The following ACAD9 variants were observed in gnomAD, a reference collection of about 807,000 sequenced individuals.
ACAD9 encodes complex I assembly factor ACAD9, mitochondrial.
ACAD9 carries 53 observed loss-of-function variants against 70.2 expected under a neutral mutation model. The ratio of observed to expected loss-of-function variants is 0.75; its 90% confidence interval spans 0.61 to 0.95. The LOEUF (loss-of-function observed/expected upper bound fraction) is 0.95. Among genes scored for constraint, ACAD9 ranks in the 40% least tolerant of loss-of-function variants. The pLI, the probability that ACAD9 is intolerant of heterozygous loss-of-function variation, is 0.00. For synonymous variants in ACAD9, 313 were observed against 312.1 expected (o/e 1.00, Z -0.03); for missense variants, 777 against 802.8 (o/e 0.97, Z 0.39).
intron 3 of ACAD9, 78 bp from the exon 4 acceptor site, chr3:128,895,232 G>GGA: frequency 1.0e-6 from 1 of 999,354 alleles, no homozygotes; most frequent in East Asian, 2.9e-5. Context: ...ATAATCAGAA[G>GGA]AAAAAAAAAA....
intron 6 of ACAD9, among the ~76,000 whole-genome samples, chr3:128,899,062 C>T (rs1935654105): frequency 6.6e-6 from 1 of 152,144 alleles, no homozygotes; most frequent in African/African-American, 2.4e-5. Context: ...CCCGCCCCCG[C>T]CTCCACCTGG....
chr3:128,893,732 T>C lies in ACAD9; in HGVS notation c.346+76T>C, dbSNP rs1935488423. ...CTGTATTTGTCCATAACAGGTCTAG[T>C]TGCTGGAATAGATGACACCATCCGT... is the stretch of plus-strand genomic sequence containing the variant. On this transcript the variant is annotated intron_variant, in intron 3 of 17. Transcript: ENST00000308982. 2.4e-6 allele frequency: 3 copies of C among 1,266,532 alleles called. No individual in the cohort carries two copies. In the South Asian group the frequency reaches 3.7e-5, roughly 16 times the overall value. 78.5% of individuals were successfully genotyped at this position (1,266,532 alleles called of 1,614,324 possible).
chr3:128,891,013 TA>T (rs1320962030), intron 2 of ACAD9, among the ~76,000 whole-genome samples: 1 of 151,994 alleles, frequency 6.6e-6, no homozygotes, highest in African/African-American at 2.4e-5. Flanking sequence ...GGCTAATTTT[TA>T]TATTTTTTTA....
rs1205230030 is a variant in ACAD9 at position 128,899,522 on chromosome 3, CG to C, written c.808+63del. The stretch of plus-strand genomic sequence containing the variant: ...GTGTAAGGGGGAGACTGGCCTTTGA[CG>C]GTGTGTGTGTGTGTGTGTGTGTGTG... On this transcript the variant is annotated intron_variant, in intron 7 of 17. Transcript: ENST00000308982. 31 of 1,146,354 alleles carry C rather than the reference CG, an allele frequency of 2.7e-5. No individual in the cohort carries two copies. In the African/African-American group the frequency reaches 3.7e-4, roughly 14 times the overall value. The allele number at this position is 1,146,354 out of a possible 1,614,324, so 71.0% of individuals were successfully genotyped here.
At chr3:128,892,130 G>A (rs1273584045) in intron 2 of ACAD9, among the ~76,000 whole-genome samples, 1 of 152,166 alleles carries the variant, frequency 6.6e-6, no homozygotes, top group African/African-American at 2.4e-5. Context: ...TGGGGATGGT[G>A]GACAGATGGA....
At position 128,879,720 on chromosome 3, in the gene ACAD9, C is replaced by G; in HGVS notation, c.29C>G (p.Thr10Ser). 6.2e-7 allele frequency: 1 copy of G among 1,612,964 alleles called. No individual in the cohort carries two copies. The highest frequency in any genetic ancestry group is 1.1e-5 in the South Asian group (1 of 91,040). The change falls in exon 1 of 18, where the codon ACC becomes AGC. Residue 10 changes from threonine to serine, a missense_variant. Coordinates refer to ENST00000308982, the MANE Select transcript of ACAD9 (RefSeq NM_014049.5). MSGCGLFLR[T>S]TAAARACRGL... ...AGCGGCTGCGGGCTCTTCCTGCGCA[C>G]CACGGCTGCGGCTCGTGCCTGCCGG...
intron 17 of ACAD9, 149 bp downstream of exon 17, chr3:128,910,962 T>A: frequency 1.0e-6 from 1 of 961,114 alleles, no homozygotes; most frequent in South Asian, 1.3e-5. Context: ...AGGCCTGGGC[T>A]TAGCTGCAGC....
At chr3:128,893,074 G>C (rs1348032644) in intron 2 of ACAD9, among the ~76,000 whole-genome samples, 2 of 152,078 alleles carry the variant, frequency 1.3e-5, no homozygotes, top group African/African-American at 4.8e-5. Flanking sequence ...GGCCGGGCGT[G>C]GTGGCTCACA....
Position 128,879,650 on chromosome 3 carries a change from A to T in ACAD9, c.-42A>T. 1 of 1,609,928 alleles carries T rather than the reference A, an allele frequency of 6.2e-7. No individual in the cohort carries two copies. The highest frequency in any genetic ancestry group is 2.2e-5 in the East Asian group (1 of 44,854). ...ACGTGTGTGTGTCCCTGCGGCGCTAAGAAGGGGAGACTGAGGCTGAGGCTG... is the reference window on the plus strand; with the variant it reads ...ACGTGTGTGTGTCCCTGCGGCGCTATGAAGGGGAGACTGAGGCTGAGGCTG... On this transcript the variant is annotated 5_prime_UTR_variant, in exon 1 of 18. In the 5' UTR this introduces an upstream ATG that the reference lacks. Transcript: ENST00000308982.
chr3:128,879,890 C>T (rs770464073), intron 1 of ACAD9, 49 bp downstream of exon 1: 3 of 1,613,266 alleles, frequency 1.9e-6, no homozygotes, highest in Admixed American at 3.3e-5. Flanking sequence ...CCGCTTTTCA[C>T]CCTCAGCTGC....
At chr3:128,908,569 A>G (rs1368569430) in intron 13 of ACAD9, 3 of 561,604 alleles carry the variant, frequency 5.3e-6, no homozygotes, top group Admixed American at 3.1e-5. Flanking sequence ...TGTCCCTTTA[A>G]AGGTGCCAGG....
At chr3:128,905,870 A>G (rs925873174) in intron 11 of ACAD9, among the ~76,000 whole-genome samples, 1 of 152,184 alleles carries the variant, frequency 6.6e-6, no homozygotes, top group African/African-American at 2.4e-5. Flanking sequence ...TGGGTTTTAA[A>G]GGAACAGGAG....
At chr3:128,895,467 C>T (rs1004471164) in intron 4 of ACAD9, 51 bp downstream of exon 4, 1 of 1,500,970 alleles carries the variant, frequency 6.7e-7, no homozygotes, top group Non-Finnish European at 9.1e-7. Flanking sequence ...CTTCTGGAGT[C>T]ACATGGAGGC....
chr3:128,882,720 T>A (rs191601813), intron 1 of ACAD9, among the ~76,000 whole-genome samples: 4 of 152,380 alleles, frequency 2.6e-5, no homozygotes, highest in African/African-American at 9.6e-5. Context: ...CTGTCTGTTT[T>A]ACATATTTGG....
Position 128,879,647 on chromosome 3 carries a change from C to CTAAG in ACAD9, c.-44_-41dup, listed in dbSNP as rs387906242. 0.024 allele frequency: 38,140 copies of CTAAG among 1,609,038 alleles called. 1,480 individuals are homozygous for CTAAG. The highest frequency in any genetic ancestry group is 0.13 in the African/African-American group (9,530 of 74,836). On this transcript the variant is annotated 5_prime_UTR_variant, in exon 1 of 18. Transcript: ENST00000308982. ...CAGACGTGTGTGTGTCCCTGCGGCG[C>CTAAG]TAAGAAGGGGAGACTGAGGCTGAGG...
intron 2 of ACAD9, among the ~76,000 whole-genome samples, chr3:128,890,893 G>C (rs1935402005): frequency 6.7e-6 from 1 of 148,612 alleles, no homozygotes; most frequent in African/African-American, 2.5e-5. Flanking sequence ...CCAGGCTGAA[G>C]TGCAGTGGCG....
chr3:128,906,289 C>T (rs1321163484), intron 12 of ACAD9, 40 bp downstream of exon 12: 3 of 1,612,186 alleles, frequency 1.9e-6, no homozygotes, highest in Middle Eastern at 1.6e-4. Context: ...GCTCCACCCC[C>T]ACCCTGCCTG....
At position 128,901,258 on chromosome 3, in the gene ACAD9, A is replaced by C; in HGVS notation, c.809-18A>C. ...GGTTTGCATTGTCAGATGATATCTTAAATTTCATGTGTTTCAGCTTGTGAA... is the reference window on the plus strand; with the variant it reads ...GGTTTGCATTGTCAGATGATATCTTCAATTTCATGTGTTTCAGCTTGTGAA... On this transcript the variant is annotated intron_variant, in intron 7 of 17. Transcript: ENST00000308982. 1 of 1,613,186 alleles carries C rather than the reference A, an allele frequency of 6.2e-7. No homozygotes were observed. The highest frequency in any genetic ancestry group is 2.2e-5 in the East Asian group (1 of 44,866).
rs1935779952 is a variant in ACAD9 at position 128,902,810 on chromosome 3, G to A, written c.958+182G>A. Among the ~76,000 whole-genome samples, 1 of 152,166 alleles carries A rather than the reference G, an allele frequency of 6.6e-6. No individual in the cohort carries two copies. The highest frequency in any genetic ancestry group is 1.5e-5 in the Non-Finnish European group (1 of 68,028). ...TCTCCTCAGCCTGCCCCTGAGGTTTGTTGTCTTCCGCATTCCTCTGTTTCA... is the reference window on the plus strand; with the variant it reads ...TCTCCTCAGCCTGCCCCTGAGGTTTATTGTCTTCCGCATTCCTCTGTTTCA... On this transcript the variant is annotated intron_variant, in intron 9 of 17. Transcript: ENST00000308982. The surrounding 1 kb of genome is among the most constrained non-coding windows in gnomAD (Gnocchi z 4.0).
Sources: allele counts gnomAD v4.1 joint callset (sites outside exome capture counted in the v4.1 genomes callset), GRCh38; gene constraint gnomAD v4.1.1; non-coding constraint Gnocchi (gnomAD v3.1); transcripts MANE v1.5; gene names NCBI Gene and HGNC (gene_info 2026-07-23, HGNC 2026-07-21).